The following PGM5 variants were observed in gnomAD, a reference collection of about 807,000 sequenced individuals.
The protein encoded by PGM5 is phosphoglucomutase 5.
In PGM5, 23 loss-of-function variants were observed where a neutral mutation model predicts 59.2. That is an observed-to-expected ratio of 0.39 (90% CI 0.28 to 0.55). The LOEUF (loss-of-function observed/expected upper bound fraction) is 0.55. PGM5 is among the 20% of genes least tolerant of loss of function. The pLI, the probability that PGM5 is intolerant of heterozygous loss-of-function variation, is 0.66. For missense variants in PGM5, 574 were observed against 748.3 expected (o/e 0.77, Z 2.72); for synonymous variants, 214 against 286.0 (o/e 0.75, Z 2.54).
chr9:68,491,967 T>C (rs1451891193), intron 9 of PGM5, among the ~76,000 whole-genome samples: 2 of 152,232 alleles, frequency 1.3e-5, no homozygotes, highest in African/African-American at 4.8e-5. Flanking sequence ...CTGGCATAAG[T>C]TGATTGCTTT....
chr9:68,413,813 A>G (rs1298513808), intron 6 of PGM5, among the ~76,000 whole-genome samples: 2 of 152,232 alleles, frequency 1.3e-5, no homozygotes, highest in African/African-American at 4.8e-5. Flanking sequence ...AGCCATATAC[A>G]GAAAAAATAA....
In PGM5 at chr9:68,529,619, A is replaced by G; in HGVS notation, c.1667A>G (p.Glu556Gly). The G allele has an allele frequency of 1.9e-6, 3 of 1,601,102 alleles. No homozygotes were observed. The highest frequency in any genetic ancestry group is 1.7e-4 in the Middle Eastern group (1 of 6,050). Residue 556 changes from glutamate to glycine, a missense_variant, in exon 11 of 11, where the codon GAG becomes GGG. By Grantham distance (98) the Glu-to-Gly change is moderately conservative. Coordinates refer to ENST00000396396, the MANE Select transcript of PGM5 (RefSeq NM_021965.4). ...AIALKISQIH[E>G]RTGRRGPTVI... ...GCACTGAAAATATCCCAGATTCATG[A>G]GAGAACTGGCCGGAGGGGACCCACT...
intron 6 of PGM5, chr9:68,394,025 A>G (rs1320655270): frequency 2.0e-5 from 3 of 152,122 alleles, no homozygotes; most frequent in Non-Finnish European, 4.4e-5. Flanking sequence ...TACATAATAT[A>G]TAATTCCATT....
At chr9:68,389,771 T>G (rs1356533128) in intron 4 of PGM5, among the ~76,000 whole-genome samples, 1 of 152,088 alleles carries the variant, frequency 6.6e-6, no homozygotes, top group Non-Finnish European at 1.5e-5. Context: ...GGAATGGGAT[T>G]GCTGAGTCAT....
At chr9:68,499,104 A>G (rs782577616) in intron 9 of PGM5, 123 bp from the exon 10 acceptor site, 17 of 1,030,830 alleles carry the variant, frequency 1.6e-5, no homozygotes, top group Non-Finnish European at 2.5e-5. Context: ...GAGCCAATAT[A>G]AATGGTCTTG....
At chr9:68,434,402 A>G (rs1240133502) in intron 6 of PGM5, among the ~76,000 whole-genome samples, 1 of 152,054 alleles carries the variant, frequency 6.6e-6, no homozygotes, top group Non-Finnish European at 1.5e-5. Context: ...AGCAATACAG[A>G]TATGGTTGAG....
intron 6 of PGM5, among the ~76,000 whole-genome samples, chr9:68,461,573 G>A (rs1389606944): frequency 6.6e-6 from 1 of 152,052 alleles, no homozygotes; most frequent in Non-Finnish European, 1.5e-5. Flanking sequence ...CAGGCCAGGA[G>A]GGCTCCTTCC....
At chr9:68,476,377 AT>A (rs1322706359) in intron 7 of PGM5, among the ~76,000 whole-genome samples, 5 of 152,208 alleles carry the variant, frequency 3.3e-5, no homozygotes, top group Admixed American at 2.0e-4. Context: ...CATTAAAAAA[AT>A]ATCCAGCCTA....
chr9:68,419,619 A>T (rs1004670218), intron 6 of PGM5, among the ~76,000 whole-genome samples: 2 of 152,186 alleles, frequency 1.3e-5, no homozygotes, highest in Non-Finnish European at 1.5e-5. Context: ...CCTCTCAGAG[A>T]CTTAGCTTTG....
intron 2 of PGM5, among the ~76,000 whole-genome samples, chr9:68,380,340 G>A (rs1554678217): frequency 6.6e-6 from 1 of 152,012 alleles, no homozygotes; most frequent in African/African-American, 2.4e-5. Flanking sequence ...ACATGCTTAT[G>A]ATGAACTAAT....
intron 9 of PGM5, among the ~76,000 whole-genome samples, chr9:68,495,417 T>C (rs1267333326): frequency 2.6e-5 from 4 of 152,114 alleles, no homozygotes; most frequent in Non-Finnish European, 5.9e-5. Context: ...GGAAATGTGG[T>C]TAGTTACAAA....
At chr9:68,359,400 A>G (rs1554676074) in intron 1 of PGM5, among the ~76,000 whole-genome samples, 1 of 152,184 alleles carries the variant, frequency 6.6e-6, no homozygotes, top group African/African-American at 2.4e-5. Context: ...AGGGGTGGGC[A>G]TGGGTGAAGG....
chr9:68,409,318 G>C (rs532827527), intron 6 of PGM5, among the ~76,000 whole-genome samples: 1 of 140,816 alleles, frequency 7.1e-6, no homozygotes, highest in Non-Finnish European at 1.5e-5. Context: ...TCAGTGTGGC[G>C]ATTCCTCAGG....
intron 6 of PGM5, among the ~76,000 whole-genome samples, chr9:68,435,612 T>C (rs998091814): frequency 3.3e-5 from 5 of 152,244 alleles, no homozygotes; most frequent in Non-Finnish European, 7.3e-5. Flanking sequence ...TCCCTTTTTA[T>C]GGCTTAATAA....
intron 7 of PGM5, among the ~76,000 whole-genome samples, chr9:68,469,628 G>T (rs1438310014): frequency 6.6e-6 from 1 of 152,184 alleles, no homozygotes; most frequent in African/African-American, 2.4e-5. Context: ...GTCTTTTGAG[G>T]TTTGCTGGAT....
intron 10 of PGM5, among the ~76,000 whole-genome samples, chr9:68,509,666 AG>A (rs1449850761): frequency 6.7e-6 from 1 of 150,304 alleles, no homozygotes; most frequent in Non-Finnish European, 1.5e-5. Context: ...ATGTGGGTGA[AG>A]CCTTTTTGGA....
chr9:68,416,718 G>A (rs1823038345), intron 6 of PGM5, among the ~76,000 whole-genome samples: 1 of 152,216 alleles, frequency 6.6e-6, no homozygotes, highest in Non-Finnish European at 1.5e-5. Flanking sequence ...AAGGCTTGCA[G>A]ACAAATCTTA....
intron 6 of PGM5, among the ~76,000 whole-genome samples, chr9:68,441,616 C>T (rs1823529889): frequency 6.6e-6 from 1 of 152,070 alleles, no homozygotes; most frequent in Admixed American, 6.6e-5. Context: ...AAATAAAGAG[C>T]ATCTACAATA....
chr9:68,412,154 T>C (rs1822946233), intron 6 of PGM5, among the ~76,000 whole-genome samples: 1 of 151,096 alleles, frequency 6.6e-6, no homozygotes, highest in Non-Finnish European at 1.5e-5. Context: ...CTGATTGTCA[T>C]GCAAACTTGA....
Sources: gnomAD v4.1 joint callset for allele counts (sites outside exome capture counted in the v4.1 genomes callset) on GRCh38, gnomAD v4.1.1 for gene constraint, MANE v1.5 for transcripts, NCBI Gene and HGNC (gene_info 2026-07-23, HGNC 2026-07-21) for gene names.